The following ARIH2 variants were observed in gnomAD, a reference collection of about 807,000 sequenced individuals.
ARIH2 encodes the protein E3 ubiquitin-protein ligase ARIH2.
ARIH2 carries 12 observed loss-of-function variants against 79.8 expected under a neutral mutation model. The observed-to-expected ratio is 0.15, with a 90% CI of 0.10 to 0.24. The LOEUF (loss-of-function observed/expected upper bound fraction) is 0.24, where lower values mean the gene tolerates loss of function less well. Among genes scored for constraint, ARIH2 ranks in the 10% least tolerant of loss-of-function variants. The pLI is 1.00. For missense variants in ARIH2, 301 were observed against 618.3 expected (o/e 0.49, Z 5.44); for synonymous variants, 224 against 213.9 (o/e 1.05, Z -0.41).
Position 48,975,140 on chromosome 3 carries a change from ATT to A in ARIH2, c.961+164_961+165del, listed in dbSNP as rs961892343. ...TGGCATAAAGTAGCTTTTTATTTTT[ATT>A]TTCTGTTTTTTGGTCCCTCTTATAA... is the stretch of plus-strand genomic sequence containing the variant. On this transcript the variant is annotated intron_variant, in intron 11 of 15. Coordinates refer to ENST00000356401, the MANE Select transcript of ARIH2 (RefSeq NM_006321.4). 8 of 1,264,734 alleles carry A rather than the reference ATT, an allele frequency of 6.3e-6. No homozygotes were observed. In the African/African-American group the frequency reaches 1.1e-4, roughly 17 times the overall value. 78.3% of individuals were successfully genotyped at this position (1,264,734 alleles called of 1,614,324 possible).
At chr3:48,947,206 C>T (rs898620274) in intron 3 of ARIH2, among the ~76,000 whole-genome samples, 2 of 152,076 alleles carry the variant, frequency 1.3e-5, no homozygotes, top group Non-Finnish European at 2.9e-5. Flanking sequence ...TTTGGGAGGC[C>T]GAGGCGGGGG....
At position 48,980,366 on chromosome 3, in the gene ARIH2, A is replaced by G. The variant is rs1576564543; in HGVS notation, c.1127A>G (p.Asn376Ser). ...TGTGCCCTGTAGTGGGAAAACCACAATAAAAGCTTGCAGCTAGAGGCACAG... is the reference window on the plus strand; with the variant it reads ...TGTGCCCTGTAGTGGGAAAACCACAGTAAAAGCTTGCAGCTAGAGGCACAG... ...LFYFERWENH[N>S]KSLQLEAQTY... The change falls in exon 13 of 16, where the codon AAT becomes AGT. Residue 376 changes from asparagine to serine, a missense_variant. Transcript: ENST00000356401. 6.2e-7 allele frequency: 1 copy of G among 1,613,672 alleles called. No individual in the cohort carries two copies. Among genetic ancestry groups the G allele is most frequent in the Non-Finnish European group, 8.5e-7 (1 of 1,179,962 alleles).
intron 3 of ARIH2, among the ~76,000 whole-genome samples, chr3:48,939,496 G>A (rs763403188): frequency 3.3e-5 from 5 of 151,438 alleles, no homozygotes; most frequent in Admixed American, 6.6e-5. Flanking sequence ...GGTGACTCAC[G>A]CCTGTAATCC....
intron 3 of ARIH2, among the ~76,000 whole-genome samples, chr3:48,929,376 T>C (rs1005038673): frequency 1.3e-5 from 2 of 151,864 alleles, no homozygotes; most frequent in Non-Finnish European, 2.9e-5. Context: ...TGTGGTAAAA[T>C]ATATGTAACA....
intron 9 of ARIH2, 25 bp downstream of exon 9, chr3:48,973,841 T>C (rs2092371422): frequency 1.9e-6 from 3 of 1,561,802 alleles, no homozygotes; most frequent in African/African-American, 2.7e-5. Context: ...TTACCTCTCA[T>C]GGATTTGCCC....
At chr3:48,938,775 T>A in intron 3 of ARIH2, among the ~76,000 whole-genome samples, 1 of 151,566 alleles carries the variant, frequency 6.6e-6, no homozygotes, top group East Asian at 1.9e-4. Context: ...TGTAAGCCAG[T>A]TTATCTAAAT....
chr3:48,973,876 C>A, intron 9 of ARIH2, 60 bp downstream of exon 9: 1 of 1,319,394 alleles, frequency 7.6e-7, no homozygotes, highest in Non-Finnish European at 1.1e-6. Flanking sequence ...CAGGGCCTTG[C>A]CTTGGAGATT....
chr3:48,958,979 A>G (rs2090933191), intron 3 of ARIH2, among the ~76,000 whole-genome samples: 1 of 152,008 alleles, frequency 6.6e-6, no homozygotes, highest in Non-Finnish European at 1.5e-5. Context: ...ATGCCACTGC[A>G]CTCCAGCCTG....
rs1195836223 is a variant in ARIH2 at position 48,984,946 on chromosome 3, T to G, written c.*1676T>G. On this transcript the variant is annotated 3_prime_UTR_variant, in exon 16 of 16. Coordinates refer to ENST00000356401, the MANE Select transcript of ARIH2 (RefSeq NM_006321.4). ...GTTGTCCCCAGCAAGGGAGAGACTG[T>G]GGGGTGGATTGGGAGAACAGATTAG... 8.5e-5 allele frequency: 13 copies of G among 152,170 alleles called. No homozygotes were observed. The highest frequency in any genetic ancestry group is 1.9e-4 in the Non-Finnish European group (13 of 68,052). The allele number at this position is 152,170 out of a possible 1,614,324, so 9.4% of individuals were successfully genotyped here.
intron 5 of ARIH2, among the ~76,000 whole-genome samples, chr3:48,965,338 C>T (rs942740367): frequency 4.0e-5 from 6 of 151,660 alleles, no homozygotes; most frequent in South Asian, 4.2e-4. Context: ...CCAACCTGGG[C>T]GACAGAGCGA....
chr3:48,927,781 G>A lies in ARIH2; in HGVS notation c.223G>A (p.Glu75Lys). ...TYKESEGALN[E>K]HMTSLASVLK... is the part of the protein sequence containing the mutation. ...CAAGGAATCTGAGGGTGCCCTCAAT[G>A]AGCACATGACCAGCTTAGCTTCTGT... The change falls in exon 3 of 16, where the codon GAG (glutamate) becomes AAG (lysine). Residue 75 changes from glutamate (E) to lysine (K), a missense_variant. Physicochemically the swap from Glu to Lys is moderately conservative, Grantham distance 56. Transcript: ENST00000356401. The A allele has an allele frequency of 6.2e-7, 1 of 1,614,176 alleles. No homozygotes were observed. The highest frequency in any genetic ancestry group is 8.5e-7 in the Non-Finnish European group (1 of 1,180,014).
At chr3:48,966,931 C>T (rs1259388846) in intron 5 of ARIH2, among the ~76,000 whole-genome samples, 194 bp from the exon 6 acceptor site, 1 of 152,188 alleles carries the variant, frequency 6.6e-6, no homozygotes. Context: ...CCAGCTGCCA[C>T]CTCCTTCAGG....
intron 7 of ARIH2, among the ~76,000 whole-genome samples, chr3:48,969,789 T>A (rs2092064879): frequency 6.6e-6 from 1 of 152,062 alleles, no homozygotes; most frequent in African/African-American, 2.4e-5. Context: ...TCAGATTAAT[T>A]TATGGTCTGG....
chr3:48,919,383 G>A (rs1329853314), intron 1 of ARIH2: 34 of 437,100 alleles, frequency 7.8e-5, no homozygotes. Context: ...CCCGCCTGTG[G>A]AGGGTATCCC....
intron 3 of ARIH2, among the ~76,000 whole-genome samples, chr3:48,957,818 C>T (rs1234198292): frequency 9.9e-5 from 15 of 152,162 alleles, no homozygotes; most frequent in Non-Finnish European, 1.2e-4. Context: ...CGGGTTCAAG[C>T]GATTCTCCTG....
intron 3 of ARIH2, among the ~76,000 whole-genome samples, chr3:48,947,300 G>A (rs1285676002): frequency 6.6e-6 from 1 of 152,168 alleles, no homozygotes; most frequent in Non-Finnish European, 1.5e-5. Context: ...AATTAGCCGG[G>A]CGTTGTAGCG....
intron 13 of ARIH2, 137 bp downstream of exon 13, chr3:48,980,633 C>A: frequency 9.9e-7 from 1 of 1,012,310 alleles, no homozygotes; most frequent in African/African-American, 1.6e-5. Context: ...GCTTGTGGAT[C>A]CACATTTTCA....
rs189254593 is a variant in ARIH2 at position 48,940,952 on chromosome 3, G to A, written c.255+13139G>A. On this transcript the variant is annotated intron_variant, in intron 3 of 15. Transcript: ENST00000356401. ...TGGGAGGCGGAGGCAGGCGGATCAC[G>A]AGGTCAGGAGATCAAGACTATCCTG... is the stretch of plus-strand genomic sequence containing the variant. 5.4e-3 allele frequency among the ~76,000 whole-genome samples: 814 copies of A among 151,502 alleles called. 2 individuals carry two copies. The highest frequency in any genetic ancestry group is 8.2e-3 in the Non-Finnish European group (556 of 67,858).
intron 3 of ARIH2, among the ~76,000 whole-genome samples, chr3:48,933,235 GGTGTGTGT>G (rs57911300): frequency 0.032 from 4,265 of 134,276 alleles, 107 homozygotes; most frequent in Middle Eastern, 0.055. Flanking sequence ...CACATGCCCG[GGTGTGTGT>G]GTGTGTGTGT....
Sources: gnomAD v4.1 joint callset for allele counts (sites outside exome capture counted in the v4.1 genomes callset) on GRCh38, gnomAD v4.1.1 for gene constraint, MANE v1.5 for transcripts, NCBI Gene and HGNC (gene_info 2026-07-23, HGNC 2026-07-21) for gene names.